The following TM2D3 variants were observed in gnomAD, a reference collection of about 807,000 sequenced individuals.
TM2D3 encodes TM2 domain-containing protein 3.
TM2D3 carries 33 observed loss-of-function variants against 27.3 expected under a neutral mutation model. That is an observed-to-expected ratio of 1.21 (90% CI 0.92 to 1.61). The LOEUF (loss-of-function observed/expected upper bound fraction) is 1.61. Among genes scored for constraint, TM2D3 ranks in the 40% most tolerant of loss-of-function variants. TM2D3 has a pLI of 0.00. For missense variants in TM2D3, 364 were observed against 320.8 expected (o/e 1.13, Z -1.03); for synonymous variants, 138 against 122.2 (o/e 1.13, Z -0.85).
intron 3 of TM2D3, among the ~76,000 whole-genome samples, chr15:101,648,842 C>A (rs998814209): frequency 1.4e-4 from 21 of 152,290 alleles, no homozygotes; most frequent in African/African-American, 4.8e-4. Flanking sequence ...AAAAAATAAG[C>A]ACACTTATCT....
chr15:101,646,145 T>C (rs541315544), intron 4 of TM2D3: 2 of 152,940 alleles, frequency 1.3e-5, no homozygotes, highest in Admixed American at 6.5e-5. Flanking sequence ...AATCTTACAA[T>C]AGATTATTAC....
At chr15:101,648,433 T>C (rs1241820355) in intron 3 of TM2D3, 1 of 152,230 alleles carries the variant, frequency 6.6e-6, no homozygotes, top group Non-Finnish European at 1.5e-5. Context: ...CATCTGCCTA[T>C]TTTCAGTGAT....
rs1057099468 is a variant in TM2D3, at chr15:101,646,610, C to G, written c.502+115G>C. The G allele has an allele frequency of 4.1e-5, 45 of 1,097,598 alleles. No individual in the cohort carries two copies. In the East Asian group the frequency reaches 1.0e-3, roughly 25 times the overall value. The allele number at this position is 1,097,598 out of a possible 1,614,324, so 68.0% of individuals were successfully genotyped here. ...GATGATGCTTGGCACATCTAAAGAGCTGCTGATAAATGTTTCTAATTAAGT... is the reference window on the plus strand; with the variant it reads ...GATGATGCTTGGCACATCTAAAGAGGTGCTGATAAATGTTTCTAATTAAGT... On this transcript the variant is annotated intron_variant, in intron 4 of 5. Coordinates refer to ENST00000333202, the MANE Select transcript of TM2D3 (RefSeq NM_078474.3).
rs774720453 is a variant in TM2D3 at position 101,642,616 on chromosome 15, G to A, written c.607C>T (p.Arg203Cys). 14 of 1,612,430 alleles carry A rather than the reference G, an allele frequency of 8.7e-6. No individual in the cohort carries two copies. Among genetic ancestry groups the A allele is most frequent in the Non-Finnish European group, 9.3e-6 (11 of 1,179,406 alleles). Residue 203 changes from arginine to cysteine, a missense_variant, in exon 6 of 6, where the codon CGT becomes TGT. By Grantham distance (180) the Arg-to-Cys change is radical. Transcript: ENST00000333202. ...TCCCGCCACTGGCCCAGGTAGAAAC[G>A]GTCTGCTCCAAACCCACCGAGGGTG... ...SITLGGFGAD[R>C]FYLGQWREGL...
At chr15:101,645,354 G>T in intron 4 of TM2D3, 192 bp from the exon 5 acceptor site, 1 of 585,652 alleles carries the variant, frequency 1.7e-6, no homozygotes, top group Non-Finnish European at 3.0e-6. Flanking sequence ...GCTAAGTTAG[G>T]ATTACAACGT....
chr15:101,642,583 CG>C lies in TM2D3; in HGVS notation c.639del (p.Gly214AlafsTer14). ...AGGCCACCGAAGCTGAAGAGCTTGC[CG>C]AGGCCTTCCCGCCACTGGCCCAGGT... ...RFYLGQWREG[L>X]GKLFSFGGLG... On this transcript the variant is annotated frameshift_variant, in exon 6 of 6. Transcript: ENST00000333202. LOFTEE classifies it high-confidence loss of function. 6.2e-7 allele frequency: 1 copy of C among 1,610,970 alleles called. No individual in the cohort carries two copies. The highest frequency in any genetic ancestry group is 8.5e-7 in the Non-Finnish European group (1 of 1,179,096).
At chr15:101,649,627 G>A (rs1422758026) in intron 3 of TM2D3, among the ~76,000 whole-genome samples, 1 of 152,206 alleles carries the variant, frequency 6.6e-6, no homozygotes, top group Non-Finnish European at 1.5e-5. Flanking sequence ...ATCTATGGCA[G>A]AAAGACACTG....
chr15:101,652,201 C>G, intron 1 of TM2D3, 70 bp downstream of exon 1: 9 of 1,397,418 alleles, frequency 6.4e-6, no homozygotes, highest in Non-Finnish European at 9.0e-6. Flanking sequence ...GTGGGCCCGG[C>G]CTCCTCGCAG....
intron 1 of TM2D3, 134 bp downstream of exon 1, chr15:101,652,137 G>C (rs936690059): frequency 1.2e-5 from 10 of 868,806 alleles, no homozygotes; most frequent in African/African-American, 5.3e-5. Flanking sequence ...CAGATGCAGC[G>C]ACAAGCGGCC....
chr15:101,643,605 A>T (rs1332045724), intron 5 of TM2D3, among the ~76,000 whole-genome samples: 5 of 129,898 alleles, frequency 3.8e-5, no homozygotes, highest in African/African-American at 8.5e-5. Flanking sequence ...CCGTTAAAAA[A>T]AAAAAAAAAA....
At chr15:101,643,120 A>G (rs11857841) in intron 5 of TM2D3, among the ~76,000 whole-genome samples, 12,600 of 152,182 alleles carry the variant, frequency 0.083, 580 homozygotes, top group South Asian at 0.18. Flanking sequence ...CTAAGATCTA[A>G]TAATACTGAA....
intron 2 of TM2D3, 108 bp downstream of exon 2, chr15:101,651,588 T>C: frequency 9.1e-7 from 1 of 1,101,772 alleles, no homozygotes; most frequent in East Asian, 2.4e-5. Flanking sequence ...ACAATAAATA[T>C]TCAAAAATGG....
Position 101,646,610 on chromosome 15 carries a change from C to A in TM2D3, c.502+115G>T, listed in dbSNP as rs1057099468. On this transcript the variant is annotated intron_variant, in intron 4 of 5. Transcript: ENST00000333202. ...GATGATGCTTGGCACATCTAAAGAG[C>A]TGCTGATAAATGTTTCTAATTAAGT... is the stretch of plus-strand genomic sequence containing the variant. 4.1e-5 allele frequency: 45 copies of A among 1,097,480 alleles called. No homozygotes were observed. The African/African-American group carries it at 6.8e-4, about 17-fold the overall frequency. 68.0% of individuals were successfully genotyped at this position (1,097,480 alleles called of 1,614,324 possible). A position where few individuals can be genotyped will look rare whatever the true frequency, so the allele number is the denominator to read the frequency against.
intron 4 of TM2D3, chr15:101,646,102 T>G (rs1367138630): frequency 6.6e-6 from 1 of 152,352 alleles, no homozygotes; most frequent in African/African-American, 2.4e-5. Context: ...AAACAGCACT[T>G]AACCAAATAT....
chr15:101,650,449 G>A (rs1471481243), intron 2 of TM2D3: 3 of 255,026 alleles, frequency 1.2e-5, no homozygotes, highest in African/African-American at 2.2e-5. Context: ...GAAAATTCTG[G>A]GTATACATTA....
In TM2D3 at chr15:101,651,874, C is replaced by T. The variant is rs1896984918; in HGVS notation, c.92-101G>A. On this transcript the variant is annotated intron_variant, in intron 1 of 5. Transcript: ENST00000333202. ...GGCGGGTCTACACCAGGCCAATAAG[C>T]TGCTCATGAAAACCTCACGGCTGGT... 2.4e-6 allele frequency: 3 copies of T among 1,231,654 alleles called. No individual in the cohort carries two copies. In the African/African-American group the frequency reaches 4.5e-5, roughly 18 times the overall value. 76.3% of individuals were successfully genotyped at this position (1,231,654 alleles called of 1,614,324 possible).
intron 5 of TM2D3, among the ~76,000 whole-genome samples, chr15:101,643,360 T>C (rs1896716753): frequency 6.6e-6 from 1 of 152,068 alleles, no homozygotes; most frequent in Admixed American, 6.5e-5. Context: ...CCCAGCACTC[T>C]GGGAGGCTGA....
At chr15:101,636,838 GTTTTCTTT>G (rs1896560881), downstream of TM2D3, 1 of 367,662 alleles carries the variant, frequency 2.7e-6, no homozygotes, top group South Asian at 2.0e-5. Flanking sequence ...TTGTTATTGT[GTTTTCTTT>G]TTCTTTTATT....
exon 5 of TM2D3, chr15:101,633,455 G>A (rs557251291): frequency 3.2e-5 from 14 of 440,186 alleles, no homozygotes; most frequent in Middle Eastern, 3.1e-4. Context: ...ACTGTTAGAA[G>A]AATTCAATTC....
Sources: allele counts gnomAD v4.1 joint callset (sites outside exome capture counted in the v4.1 genomes callset), GRCh38; gene constraint gnomAD v4.1.1; transcripts MANE v1.5; gene names NCBI Gene and HGNC (gene_info 2026-07-23, HGNC 2026-07-21).